GPC3: variants seen among roughly 807,000 people sequenced by gnomAD.
The protein encoded by GPC3 is glypican 3, also known as glypican-3.
In GPC3, 3 loss-of-function variants were observed where a neutral mutation model predicts 34.4. That is an observed-to-expected ratio of 0.09 (90% CI 0.04 to 0.23). The LOEUF is 0.23. GPC3 is among the 10% of genes least tolerant of loss of function. The pLI is 1.00. For missense variants in GPC3, 351 were observed against 445.6 expected (o/e 0.79, Z 1.91); for synonymous variants, 177 against 174.0 (o/e 1.02, Z -0.13).
At chrX:133,558,903 GTAAA>G (rs755481125) in intron 7 of GPC3, among the ~76,000 whole-genome samples, 6,232 of 102,536 alleles carry the variant, frequency 0.061, 481 homozygotes, top group African/African-American at 0.19. Context: ...AAATAAGTAA[GTAAA>G]TAAATAAATA....
At chrX:133,832,057 T>C (rs2075778001) in intron 2 of GPC3, among the ~76,000 whole-genome samples, 1 of 110,897 alleles carries the variant, frequency 9.0e-6, no homozygotes, top group African/African-American at 3.3e-5. Context: ...CCAAGGTGGG[T>C]GGATCACCTG....
Position 133,682,966 on chromosome X carries a change from C to CAA in GPC3, c.1292+9401_1292+9402dup, listed in dbSNP as rs751037276. ...TGGGTGACAGAGCTAGACTCTGACT[C>CAA]AAAAAAAAAAAAAAAAAAATCCATC... On this transcript the variant is annotated intron_variant, in intron 5 of 7. Transcript: ENST00000370818. Among the ~76,000 whole-genome samples, 488 of 50,225 alleles carry CAA rather than the reference C, an allele frequency of 9.7e-3. 4 individuals carry two copies. Among genetic ancestry groups the CAA allele is most frequent in the African/African-American group, 0.03 (430 of 14,380 alleles). 43.6% of individuals were successfully genotyped at this position (50,225 alleles called of 115,157 possible). A position where few individuals can be genotyped will look rare whatever the true frequency, so the allele number is the denominator to read the frequency against.
chrX:133,867,826 A>G (rs1023355310), intron 2 of GPC3, among the ~76,000 whole-genome samples: 1 of 106,839 alleles, frequency 9.4e-6, no homozygotes, highest in African/African-American at 3.4e-5. Context: ...GAATGGCAGA[A>G]TGGTGCGCAG....
intron 1 of GPC3, among the ~76,000 whole-genome samples, chrX:133,978,300 A>G (rs2076524907): frequency 8.9e-6 from 1 of 112,217 alleles, no homozygotes; most frequent in Admixed American, 9.4e-5. Flanking sequence ...CCGAACACTG[A>G]GGAAAAACTT....
intron 3 of GPC3, among the ~76,000 whole-genome samples, chrX:133,703,798 G>T (rs752843380): frequency 1.3e-4 from 14 of 111,645 alleles, no homozygotes; most frequent in Admixed American, 5.7e-4. Context: ...ATTCTTTTCT[G>T]CCAGGATCCA....
At chrX:133,663,552 CT>C (rs1238820847) in intron 5 of GPC3, among the ~76,000 whole-genome samples, 1 of 111,553 alleles carries the variant, frequency 9.0e-6, no homozygotes, top group East Asian at 2.9e-4. Flanking sequence ...GTGCCCAGCA[CT>C]TTTTTCTTTT....
intron 2 of GPC3, among the ~76,000 whole-genome samples, chrX:133,891,315 A>AAAG (rs988834415): frequency 1.8e-5 from 2 of 111,625 alleles, no homozygotes; most frequent in African/African-American, 6.5e-5. Context: ...GTGATTAGCT[A>AAAG]AAGTGTATAG....
At chrX:133,541,391 G>A (rs1333644723) in intron 7 of GPC3, among the ~76,000 whole-genome samples, 1 of 111,953 alleles carries the variant, frequency 8.9e-6, no homozygotes, top group African/African-American at 3.2e-5. Context: ...ATGTTTATCA[G>A]TGATTTTCCA....
chrX:133,775,480 G>C (rs1252613716), intron 2 of GPC3, among the ~76,000 whole-genome samples: 1 of 112,094 alleles, frequency 8.9e-6, no homozygotes, highest in Non-Finnish European at 1.9e-5. Flanking sequence ...GATATGAACA[G>C]ACAGGCAGAT....
At position 133,596,224 on chromosome X, in the gene GPC3, C is replaced by G. The variant is rs1043343597; in HGVS notation, c.1573+216G>C. 4 of 429,615 alleles carry G rather than the reference C, an allele frequency of 9.3e-6. No individual in the cohort carries two copies. The Admixed American group carries it at 1.6e-4, about 18-fold the overall frequency. The allele number at this position is 429,615 out of a possible 1,213,427, so 35.4% of individuals were successfully genotyped here. ...AGATAATGAAAAACAGGAAGTTACC[C>G]TTTTAATCTACCAAAGGTTGGAAAT... is the stretch of plus-strand genomic sequence containing the variant. On this transcript the variant is annotated intron_variant, in intron 7 of 7. Transcript: ENST00000370818.
chrX:133,984,781 T>A lies in GPC3; in HGVS notation c.175+494A>T, dbSNP rs749628863. Among the ~76,000 whole-genome samples, 437 of 107,608 alleles carry A rather than the reference T, an allele frequency of 4.1e-3. 5 individuals carry two copies. Among genetic ancestry groups the A allele is most frequent in the African/African-American group, 0.014 (411 of 29,419 alleles). 93.4% of individuals were successfully genotyped at this position (107,608 alleles called of 115,157 possible). On this transcript the variant is annotated intron_variant, in intron 1 of 7. Coordinates refer to ENST00000370818, the MANE Select transcript of GPC3 (RefSeq NM_004484.4). ...AATCTGTCCTCAACTTTGCTTGCAC[T>A]TGGGCCCGTGAGCTTAGGAAACCCA... is the stretch of plus-strand genomic sequence containing the variant.
intron 2 of GPC3, among the ~76,000 whole-genome samples, chrX:133,757,625 T>C (rs780002786): frequency 9.0e-6 from 1 of 111,349 alleles, no homozygotes; most frequent in African/African-American, 3.3e-5. Flanking sequence ...AAATGAACCA[T>C]GGAATCTCTT....
intron 3 of GPC3, among the ~76,000 whole-genome samples, chrX:133,709,535 A>G (rs144054150): frequency 2.8e-3 from 312 of 112,584 alleles, no homozygotes; most frequent in African/African-American, 9.3e-3. Flanking sequence ...TATGTGATAT[A>G]CAACATAAAC....
chrX:133,902,910 T>G (rs774079712), intron 2 of GPC3, among the ~76,000 whole-genome samples: 34 of 111,907 alleles, frequency 3.0e-4, no homozygotes, highest in African/African-American at 1.0e-3. Flanking sequence ...TCCCATGTAT[T>G]ATTTTGTGAA....
intron 2 of GPC3, among the ~76,000 whole-genome samples, chrX:133,800,769 A>G (rs1019144619): frequency 8.9e-6 from 1 of 111,830 alleles, no homozygotes; most frequent in Non-Finnish European, 1.9e-5. Flanking sequence ...AGAAAAAAAC[A>G]GTGCCAGTAG....
At position 133,928,730 on chromosome X, in the gene GPC3, C is replaced by T. The variant is rs141645451; in HGVS notation, c.337+24320G>A. Reference sequence around the variant, plus strand: ...AGGTACCTGTTGGCTATTTTTATGTCATCTTTGGAGAAATATCTATTCAAG... The same window carrying T: ...AGGTACCTGTTGGCTATTTTTATGTTATCTTTGGAGAAATATCTATTCAAG... On this transcript the variant is annotated intron_variant, in intron 2 of 7. Coordinates refer to ENST00000370818, the MANE Select transcript of GPC3 (RefSeq NM_004484.4). Among the ~76,000 whole-genome samples the T allele has an allele frequency of 6.8e-3, 761 of 111,893 alleles. 5 individuals carry two copies. The highest frequency in any genetic ancestry group is 0.011 in the Non-Finnish European group (608 of 53,146).
chrX:133,831,886 A>G (rs1346282870), intron 2 of GPC3, among the ~76,000 whole-genome samples: 1 of 112,745 alleles, frequency 8.9e-6, no homozygotes, highest in Admixed American at 9.3e-5. Context: ...TAAAACATCT[A>G]TTAACTCATT....
intron 2 of GPC3, among the ~76,000 whole-genome samples, chrX:133,838,018 A>G (rs935361168): frequency 8.9e-6 from 1 of 112,282 alleles, no homozygotes; most frequent in Admixed American, 9.5e-5. Context: ...TTCCACTCCA[A>G]AAAACAAACA....
intron 1 of GPC3, among the ~76,000 whole-genome samples, chrX:133,954,063 T>C (rs193276206): frequency 1.2e-4 from 13 of 111,785 alleles, no homozygotes; most frequent in African/African-American, 3.9e-4. Context: ...AGAAGCCAGA[T>C]CAAAAAGAAG....
Sources: allele counts gnomAD v4.1 joint callset (sites outside exome capture counted in the v4.1 genomes callset), GRCh38; gene constraint gnomAD v4.1.1; transcripts MANE v1.5; gene names NCBI Gene and HGNC (gene_info 2026-07-23, HGNC 2026-07-21).